Variants in PRTG observed in about 807,000 individuals in gnomAD.
PRTG encodes immunoglobulin superfamily, DCC subclass, member 5.
In PRTG, 67 loss-of-function variants were observed where a neutral mutation model predicts 122.5. That is an observed-to-expected ratio of 0.55 (90% CI 0.45 to 0.67). PRTG has a LOEUF of 0.67. Among genes scored for constraint, PRTG ranks in the 30% least tolerant of loss-of-function variants. The pLI is 0.00. For missense variants in PRTG, 1,435 were observed against 1,415.4 expected (o/e 1.01, Z -0.22); for synonymous variants, 554 against 501.1 (o/e 1.11, Z -1.41).
chr15:55,680,739 T>TAA, intron 4 of PRTG, 111 bp from the exon 5 acceptor site: 9 of 649,858 alleles, frequency 1.4e-5, no homozygotes. Context: ...TAAAACAACT[T>TAA]TATTGAGATA....
intron 11 of PRTG, among the ~76,000 whole-genome samples, chr15:55,643,197 TGAAA>T (rs759028259): frequency 1.8e-4 from 27 of 152,308 alleles, no homozygotes; most frequent in Non-Finnish European, 3.4e-4. Flanking sequence ...TAAAATTCAT[TGAAA>T]GAATGTTCTA....
rs188599181 is a variant in PRTG, at chr15:55,707,747, A to G, written c.398-23816T>C. On this transcript the variant is annotated intron_variant, in intron 2 of 19. Coordinates refer to ENST00000389286, the MANE Select transcript of PRTG (RefSeq NM_173814.6). ...GTTAACTGATAGAATCTGCTCTTTAATGCCTGTTTTTGGTAGTGGAGAGCC... is the reference window on the plus strand; with the variant it reads ...GTTAACTGATAGAATCTGCTCTTTAGTGCCTGTTTTTGGTAGTGGAGAGCC... 1.9e-3 allele frequency among the ~76,000 whole-genome samples: 287 copies of G among 152,322 alleles called. 3 individuals carry two copies. The highest frequency in any genetic ancestry group is 4.1e-3 in the Admixed American group (62 of 15,294).
At chr15:55,650,296 G>C (rs1367477847) in intron 11 of PRTG, among the ~76,000 whole-genome samples, 5 of 152,184 alleles carry the variant, frequency 3.3e-5, no homozygotes, top group Non-Finnish European at 7.3e-5. Context: ...CGCTGCAAAA[G>C]AGATGTGTTA....
At chr15:55,646,478 A>G (rs568369360) in intron 11 of PRTG, among the ~76,000 whole-genome samples, 7 of 150,658 alleles carry the variant, frequency 4.6e-5, no homozygotes, top group South Asian at 2.1e-4. Flanking sequence ...GCCCGCCACC[A>G]CGCCCGGCCA....
chr15:55,624,583 C>A, intron 17 of PRTG, 76 bp from the exon 18 acceptor site: 2 of 1,266,338 alleles, frequency 1.6e-6, no homozygotes, highest in Non-Finnish European at 2.2e-6. Flanking sequence ...GGCCTATCAA[C>A]AAAACTTTGT....
chr15:55,648,002 C>T (rs78176351), intron 11 of PRTG, among the ~76,000 whole-genome samples: 2 of 152,226 alleles, frequency 1.3e-5, no homozygotes, highest in South Asian at 4.1e-4. Flanking sequence ...AACCATGTCA[C>T]ATGGTATATA....
intron 2 of PRTG, among the ~76,000 whole-genome samples, chr15:55,704,307 G>A (rs2030000279): frequency 6.6e-6 from 1 of 152,172 alleles, no homozygotes; most frequent in Admixed American, 6.5e-5. Flanking sequence ...AAAGCATTAA[G>A]AAGAGTGAGG....
Sources: gnomAD v4.1 joint callset for allele counts (sites outside exome capture counted in the v4.1 genomes callset) on GRCh38, gnomAD v4.1.1 for gene constraint, MANE v1.5 for transcripts, NCBI Gene and HGNC (gene_info 2026-07-23, HGNC 2026-07-21) for gene names.